CPNE3: variants seen among roughly 807,000 people sequenced by gnomAD.
CPNE3 encodes the protein copine 3, also known as copine-3.
Under a neutral mutation model 63.9 loss-of-function variants are expected in CPNE3, and 68 were observed. The observed-to-expected ratio is 1.06, with a 90% CI of 0.87 to 1.30. The LOEUF (loss-of-function observed/expected upper bound fraction) is 1.30, where lower values mean the gene tolerates loss of function less well. Ranked by LOEUF, CPNE3 falls within the 50% of genes most tolerant of loss-of-function variation. CPNE3 has a pLI of 0.00. For synonymous variants in CPNE3, 219 were observed against 197.5 expected (o/e 1.11, Z -0.91); for missense variants, 665 against 578.1 (o/e 1.15, Z -1.54).
chr8:86,547,605 T>C, intron 10 of CPNE3, 106 bp from the exon 11 acceptor site: 1 of 683,534 alleles, frequency 1.5e-6, no homozygotes. Flanking sequence ...CATGTTTATA[T>C]CATGTCCTGT....
At chr8:86,518,517 C>T (rs890688134) in intron 2 of CPNE3, among the ~76,000 whole-genome samples, 4 of 152,104 alleles carry the variant, frequency 2.6e-5, no homozygotes, top group Non-Finnish European at 5.9e-5. Context: ...TGAGGGTAAA[C>T]GGTGATTCAC....
intron 9 of CPNE3, chr8:86,545,297 G>A (rs1821024339): frequency 6.6e-6 from 1 of 152,464 alleles, no homozygotes; most frequent in Non-Finnish European, 1.5e-5. Context: ...AGGGCAGTTG[G>A]CCCCAGTGTG....
At position 86,528,569 on chromosome 8, in the gene CPNE3, GGT is replaced by G. The variant is rs1190086239; in HGVS notation, c.26_27del (p.Val9GlyfsTer12). 1 of 1,614,046 alleles carries G rather than the reference GGT, an allele frequency of 6.2e-7. No homozygotes were observed. The highest frequency in any genetic ancestry group is 2.2e-5 in the East Asian group (1 of 44,872). MAAQCVTK[V>X]ALNVSCANLL... Reference sequence around the variant, plus strand: ...ACATGGCTGCCCAGTGTGTCACAAAGGTGGCGCTGAATGTTTCCTGTGCCAAT... The same window carrying G: ...ACATGGCTGCCCAGTGTGTCACAAAGGGCGCTGAATGTTTCCTGTGCCAAT... On this transcript the variant is annotated frameshift_variant, in exon 3 of 17. Transcript: ENST00000517490. LOFTEE classifies it high-confidence loss of function.
At chr8:86,549,289 A>G (rs1305785539) in intron 12 of CPNE3, among the ~76,000 whole-genome samples, 1 of 152,242 alleles carries the variant, frequency 6.6e-6, no homozygotes, top group Non-Finnish European at 1.5e-5. Context: ...AAAATCATTA[A>G]ATATATTTAA....
chr8:86,534,960 G>A (rs1026514520), intron 6 of CPNE3, among the ~76,000 whole-genome samples: 4 of 152,142 alleles, frequency 2.6e-5, no homozygotes, highest in Non-Finnish European at 5.9e-5. Flanking sequence ...ATTTATAACT[G>A]TAATGGATTA....
chr8:86,517,283 T>C (rs1360094190), intron 2 of CPNE3, among the ~76,000 whole-genome samples: 1 of 151,286 alleles, frequency 6.6e-6, no homozygotes, highest in Non-Finnish European at 1.5e-5. Flanking sequence ...AGTTTCCTCA[T>C]AAAAAAAAAG....
chr8:86,534,318 C>T (rs1207260576), intron 6 of CPNE3, among the ~76,000 whole-genome samples: 2 of 152,016 alleles, frequency 1.3e-5, no homozygotes, highest in African/African-American at 2.4e-5. Flanking sequence ...TGTGTGTTTT[C>T]GGGAAGTTTG....
chr8:86,544,682 A>C (rs755445339), intron 8 of CPNE3, 58 bp from the exon 9 acceptor site: 9 of 851,458 alleles, frequency 1.1e-5, no homozygotes, highest in Non-Finnish European at 1.4e-5. Context: ...TATTGCAGCC[A>C]ATACTTTTTA....
At position 86,548,331 on chromosome 8, in the gene CPNE3, G is replaced by A. The variant is rs1392555758; in HGVS notation, c.910G>A (p.Asp304Asn). 1.9e-6 allele frequency: 3 copies of A among 1,614,058 alleles called. No individual in the cohort carries two copies. Among genetic ancestry groups the A allele is most frequent in the Non-Finnish European group, 2.5e-6 (3 of 1,179,988 alleles). ...AGTGGACTTCACTGGCTCCAATGGT[G>A]ACCCAAGGTCTCCAGACTCCCTTCA... ...VGVDFTGSNG[D>N]PRSPDSLHYI... Residue 304 changes from aspartate (D) to asparagine (N), a missense_variant, in exon 12 of 17, where the codon GAC becomes AAC. Coordinates refer to ENST00000517490, the MANE Select transcript of CPNE3 (RefSeq NM_003909.5).
rs770973474 is a variant in CPNE3 at position 86,551,220 on chromosome 8, A to G, written c.1106A>G (p.Asn369Ser). 3 of 1,599,586 alleles carry G rather than the reference A, an allele frequency of 1.9e-6. No homozygotes were observed. Among genetic ancestry groups the G allele is most frequent in the South Asian group, 1.1e-5 (1 of 90,756 alleles). Residue 369 changes from asparagine (N) to serine (S), a missense_variant, in exon 14 of 17, where the codon AAT becomes AGT. Physicochemically the swap from Asn to Ser is conservative, Grantham distance 46 (BLOSUM62 1). Coordinates refer to ENST00000517490, the MANE Select transcript of CPNE3 (RefSeq NM_003909.5). ...HEFPMNFNPS[N>S]PYCNGIQGIV... Reference sequence around the variant, plus strand: ...TTTCCAATGAACTTCAACCCATCCAATCCCTACTGCAATGGTAAGTTAAAA... The same window carrying G: ...TTTCCAATGAACTTCAACCCATCCAGTCCCTACTGCAATGGTAAGTTAAAA...
Position 86,540,859 on chromosome 8 carries a change from T to A in CPNE3, c.633+525T>A, listed in dbSNP as rs150722677. Among the ~76,000 whole-genome samples the A allele has an allele frequency of 7.3e-3, 1,111 of 152,282 alleles. 9 individuals carry two copies. The highest frequency in any genetic ancestry group is 0.019 in the African/African-American group (769 of 41,566). ...TTTAGAGTATCAGGGAAGTGGAGTA[T>A]GAACAGCAAATAGCAGATGTCAGTA... On this transcript the variant is annotated intron_variant, in intron 8 of 16. Transcript: ENST00000517490.
At chr8:86,516,441 T>G (rs1820312993) in intron 2 of CPNE3, among the ~76,000 whole-genome samples, 1 of 152,234 alleles carries the variant, frequency 6.6e-6, no homozygotes, top group East Asian at 1.9e-4. Context: ...AATATTTTAT[T>G]TTCTATGCTC....
intron 14 of CPNE3, among the ~76,000 whole-genome samples, chr8:86,552,962 GCCCCCCC>G (rs1173984951): frequency 2.6e-3 from 9 of 3,512 alleles, no homozygotes; most frequent in Non-Finnish European, 5.9e-3. Flanking sequence ...GCCACAGCCC[GCCCCCCC>G]CCCCCCCCCG....
In CPNE3 at chr8:86,559,405, A is replaced by G. The variant is rs1023568709; in HGVS notation, c.*995A>G. ...GCTAAGGTCCCATATATTGATTTGTACAGATCCACTTAGTCATTTTCTCCT... is the reference window on the plus strand; with the variant it reads ...GCTAAGGTCCCATATATTGATTTGTGCAGATCCACTTAGTCATTTTCTCCT... On this transcript the variant is annotated 3_prime_UTR_variant, in exon 17 of 17. Coordinates refer to ENST00000517490, the MANE Select transcript of CPNE3 (RefSeq NM_003909.5). 1 of 152,190 alleles carries G rather than the reference A, an allele frequency of 6.6e-6. No homozygotes were observed. The highest frequency in any genetic ancestry group is 2.4e-5 in the African/African-American group (1 of 41,456). The allele number at this position is 152,190 out of a possible 1,614,324, so 9.4% of individuals were successfully genotyped here. A position where few individuals can be genotyped will look rare whatever the true frequency, so the allele number is the denominator to read the frequency against.
intron 2 of CPNE3, among the ~76,000 whole-genome samples, chr8:86,516,962 A>C (rs1563682366): frequency 6.6e-6 from 1 of 152,218 alleles, no homozygotes; most frequent in Non-Finnish European, 1.5e-5. Flanking sequence ...TTTCAGGTGG[A>C]TCTTTTAGCA....
At chr8:86,536,250 A>T (rs1405496869) in intron 6 of CPNE3, among the ~76,000 whole-genome samples, 1 of 148,096 alleles carries the variant, frequency 6.8e-6, no homozygotes, top group Non-Finnish European at 1.5e-5. Flanking sequence ...GTGTGTATGT[A>T]TGTATTTGTA....
chr8:86,544,165 C>G (rs1351053174), intron 8 of CPNE3, among the ~76,000 whole-genome samples: 1 of 152,084 alleles, frequency 6.6e-6, no homozygotes, highest in African/African-American at 2.4e-5. Context: ...GGAATTGTTC[C>G]TTTCATTGTA....
chr8:86,556,398 C>G, intron 16 of CPNE3, 60 bp downstream of exon 16: 1 of 857,248 alleles, frequency 1.2e-6, no homozygotes, highest in Non-Finnish European at 2.0e-6. Flanking sequence ...CTTTGCCCAT[C>G]TACAACCAGG....
Position 86,551,033 on chromosome 8 carries a change from T to G in CPNE3, c.1014-13T>G. On this transcript the variant is annotated splice_polypyrimidine_tract_variant and intron_variant, in intron 12 of 16. Coordinates refer to ENST00000517490, the MANE Select transcript of CPNE3 (RefSeq NM_003909.5). ...AAAAAACAGTATTTTATTAAATATT[T>G]TTTTCTTTTTAGTGATAAGATGTTT... 6.4e-7 allele frequency: 1 copy of G among 1,557,634 alleles called. No homozygotes were observed. The highest frequency in any genetic ancestry group is 8.7e-7 in the Non-Finnish European group (1 of 1,152,416).
Sources: gnomAD v4.1 joint callset for allele counts (sites outside exome capture counted in the v4.1 genomes callset) on GRCh38, gnomAD v4.1.1 for gene constraint, MANE v1.5 for transcripts, NCBI Gene and HGNC (gene_info 2026-07-23, HGNC 2026-07-21) for gene names.